TDP1: variants seen among roughly 807,000 people sequenced by gnomAD.
TDP1 encodes tyrosyl-DNA phosphodiesterase 1.
In TDP1, 64 loss-of-function variants were observed where a neutral mutation model predicts 81.5. The observed-to-expected ratio is 0.79, with a 90% CI of 0.64 to 0.97. The LOEUF (loss-of-function observed/expected upper bound fraction) is 0.97. Among genes scored for constraint, TDP1 ranks in the 50% least tolerant of loss-of-function variants. TDP1 has a pLI of 0.00. For missense variants in TDP1, 723 were observed against 743.8 expected, an observed-to-expected ratio of 0.97 and a Z score of 0.33; for synonymous variants, 256 against 264.3, an observed-to-expected ratio of 0.97 and a Z score of 0.30.
intron 14 of TDP1, among the ~76,000 whole-genome samples, chr14:90,000,601 T>G (rs1021867082): frequency 6.6e-6 from 1 of 152,136 alleles, no homozygotes; most frequent in Non-Finnish European, 1.5e-5. Context: ...GTCAGGCTGG[T>G]CTTGAACTCC....
At chr14:90,021,015 C>T (rs1246501050) in intron 15 of TDP1, among the ~76,000 whole-genome samples, 2 of 151,918 alleles carry the variant, frequency 1.3e-5, no homozygotes, top group East Asian at 3.9e-4. Context: ...AAGTCTCCAA[C>T]TCCTGGCCTC....
chr14:89,966,136 T>C lies in TDP1; in HGVS notation c.560-11T>C. On this transcript the variant is annotated splice_polypyrimidine_tract_variant and intron_variant, in intron 3 of 16. Coordinates refer to ENST00000335725, the MANE Select transcript of TDP1 (RefSeq NM_018319.4). ...GTGAGTGTGAATTTGATATATGTTT[T>C]GTCTTCTCAGATATTTTATCTCCTT... 6.3e-7 allele frequency: 1 copy of C among 1,579,638 alleles called. No homozygotes were observed. Among genetic ancestry groups the C allele is most frequent in the Non-Finnish European group, 8.7e-7 (1 of 1,148,860 alleles).
At chr14:90,025,541 T>C (rs968514290) in intron 15 of TDP1, among the ~76,000 whole-genome samples, 1 of 152,238 alleles carries the variant, frequency 6.6e-6, no homozygotes, top group Admixed American at 6.5e-5. Context: ...TGACTTTGTA[T>C]GCCCAGTACT....
chr14:89,975,943 C>T (rs1894258213), intron 7 of TDP1, 128 bp downstream of exon 7: 1 of 778,510 alleles, frequency 1.3e-6, no homozygotes, highest in African/African-American at 1.7e-5. Flanking sequence ...TTAACTGAGC[C>T]TGGGGGAGCT....
chr14:89,988,526 T>C (rs1895821634), intron 10 of TDP1: 1 of 905,780 alleles, frequency 1.1e-6, no homozygotes, highest in Middle Eastern at 5.7e-4. Context: ...ACCAAATACA[T>C]ATTTCATAGC....
At chr14:89,978,777 C>T (rs1277996345) in intron 7 of TDP1, among the ~76,000 whole-genome samples, 1 of 152,206 alleles carries the variant, frequency 6.6e-6, no homozygotes, top group Non-Finnish European at 1.5e-5. Context: ...CAATCAGCTG[C>T]TGATTTGGCA....
chr14:90,030,129 C>G (rs1887112200), intron 15 of TDP1, among the ~76,000 whole-genome samples: 1 of 152,208 alleles, frequency 6.6e-6, no homozygotes, highest in African/African-American at 2.4e-5. Context: ...TTCCTCAGAT[C>G]CAGAGTGTGT....
chr14:89,997,816 A>G (rs1016535211), intron 14 of TDP1, among the ~76,000 whole-genome samples: 2 of 152,140 alleles, frequency 1.3e-5, no homozygotes, highest in African/African-American at 4.8e-5. Flanking sequence ...AATGTTTTAT[A>G]TATATATTCT....
Position 89,963,598 on chromosome 14 carries a change from A to C in TDP1, c.484A>C (p.Asn162His). Residue 162 changes from asparagine (N) to histidine (H), a missense_variant, in exon 3 of 17, where the codon AAC (asparagine) becomes CAC (histidine). Physicochemically the swap from Asn to His is moderately conservative, Grantham distance 68. Coordinates refer to ENST00000335725, the MANE Select transcript of TDP1 (RefSeq NM_018319.4). ...QDIWDMLDKG[N>H]PFQFYLTRVS... is the part of the protein sequence containing the mutation. ...CATTTGGGACATGCTGGATAAAGGG[A>C]ACCCCTTCCAGTTTTACCTCACTAG... 6.2e-7 allele frequency: 1 copy of C among 1,614,118 alleles called. No individual in the cohort carries two copies. Among genetic ancestry groups the C allele is most frequent in the Non-Finnish European group, 8.5e-7 (1 of 1,179,990 alleles).
At chr14:89,987,771 G>A (rs1203287651) in intron 10 of TDP1, among the ~76,000 whole-genome samples, 1 of 152,150 alleles carries the variant, frequency 6.6e-6, no homozygotes, top group Non-Finnish European at 1.5e-5. Context: ...TGTAGGGAGT[G>A]TCTAGTAAAG....
chr14:90,005,608 CTTA>C (rs947926355), intron 14 of TDP1, among the ~76,000 whole-genome samples: 29 of 152,022 alleles, frequency 1.9e-4, no homozygotes, highest in African/African-American at 5.6e-4. Context: ...GTGTTAAGTC[CTTA>C]TTATAAGTGA....
chr14:89,988,159 A>T (rs1458538198), intron 10 of TDP1, among the ~76,000 whole-genome samples: 1 of 152,208 alleles, frequency 6.6e-6, no homozygotes, highest in African/African-American at 2.4e-5. Context: ...CAGAGCTTTC[A>T]TGCCCTCTCT....
intron 11 of TDP1, 87 bp downstream of exon 11, chr14:89,989,177 A>C: frequency 1.2e-6 from 1 of 845,106 alleles, no homozygotes. Context: ...TAATGGAGAG[A>C]TGTTTTATTC....
intron 7 of TDP1, among the ~76,000 whole-genome samples, chr14:89,977,858 A>G (rs1461253351): frequency 1.3e-5 from 2 of 152,182 alleles, no homozygotes; most frequent in African/African-American, 2.4e-5. Context: ...TGCTCTGTCC[A>G]GTTTTGGTTG....
rs35292743 is a variant in TDP1, at chr14:90,038,339, C to G, written c.1754-4731C>G. Among the ~76,000 whole-genome samples the G allele has an allele frequency of 2.6e-5, 4 of 152,184 alleles. No homozygotes were observed. In the East Asian group the frequency reaches 7.7e-4, roughly 29 times the overall value. On this transcript the variant is annotated intron_variant, in intron 16 of 16. Coordinates refer to ENST00000335725, the MANE Select transcript of TDP1 (RefSeq NM_018319.4). Reference sequence around the variant, plus strand: ...ATAATCCTCCAAAAGGTTTTAAAACCATTTGTTCCTAAATGGTCTAACCAT... The same window carrying G: ...ATAATCCTCCAAAAGGTTTTAAAACGATTTGTTCCTAAATGGTCTAACCAT...
chr14:90,016,521 A>G (rs1885329916), intron 14 of TDP1, among the ~76,000 whole-genome samples: 1 of 152,198 alleles, frequency 6.6e-6, no homozygotes, highest in African/African-American at 2.4e-5. Context: ...TGCCAGAGGC[A>G]CAAAAACCAC....
intron 8 of TDP1, chr14:89,981,322 C>T (rs773665801): frequency 2.8e-6 from 1 of 353,178 alleles, no homozygotes; most frequent in East Asian, 8.2e-5. Flanking sequence ...ACCCTCTGTA[C>T]TTGGTGCACA....
intron 6 of TDP1, among the ~76,000 whole-genome samples, chr14:89,971,906 T>C (rs1279561983): frequency 6.7e-6 from 1 of 148,244 alleles, no homozygotes; most frequent in Non-Finnish European, 1.5e-5. Context: ...CCTTCAACTG[T>C]AGTTCTTTTT....
intron 14 of TDP1, among the ~76,000 whole-genome samples, chr14:90,014,744 A>G (rs1430360891): frequency 6.6e-6 from 1 of 152,190 alleles, no homozygotes; most frequent in Non-Finnish European, 1.5e-5. Context: ...GGGGACTTGT[A>G]CATCTTCTTA....
Sources: gnomAD v4.1 joint callset for allele counts (sites outside exome capture counted in the v4.1 genomes callset) on GRCh38, gnomAD v4.1.1 for gene constraint, MANE v1.5 for transcripts, NCBI Gene and HGNC (gene_info 2026-07-23, HGNC 2026-07-21) for gene names.